Variants in ACVR1C observed in about 807,000 individuals in gnomAD.
ACVR1C encodes the protein activin receptor type-1C.
Under a neutral mutation model 57.9 loss-of-function variants are expected in ACVR1C, and 23 were observed. That is an observed-to-expected ratio of 0.40 (90% CI 0.29 to 0.56). The LOEUF (loss-of-function observed/expected upper bound fraction) is 0.56, where lower values mean the gene tolerates loss of function less well. ACVR1C is among the 20% of genes least tolerant of loss of function. The pLI is 0.50. For synonymous variants in ACVR1C, 214 were observed against 215.3 expected (o/e 0.99, Z 0.05); for missense variants, 480 against 607.9 (o/e 0.79, Z 2.21).
At chr2:157,574,620 TCTAC>T (rs1688600082) in intron 2 of ACVR1C, among the ~76,000 whole-genome samples, 1 of 152,328 alleles carries the variant, frequency 6.6e-6, no homozygotes, top group Non-Finnish European at 1.5e-5. Context: ...AAACATGAAT[TCTAC>T]CTTCTATGGG....
intron 1 of ACVR1C, among the ~76,000 whole-genome samples, chr2:157,610,420 A>G (rs1360723514): frequency 1.3e-5 from 2 of 152,166 alleles, no homozygotes; most frequent in African/African-American, 4.8e-5. Context: ...CTTTAAAAAG[A>G]TAGGAGTTCC....
intron 2 of ACVR1C, among the ~76,000 whole-genome samples, chr2:157,559,138 G>C (rs928988480): frequency 3.9e-5 from 6 of 152,090 alleles, no homozygotes; most frequent in Non-Finnish European, 5.9e-5. Context: ...AAAAGCAAAA[G>C]GTCAGCAACC....
chr2:157,576,835 CTTTTTTTTTT>C lies in ACVR1C; in HGVS notation c.304+10342_304+10351del, dbSNP rs1166673398. Among the ~76,000 whole-genome samples the C allele has an allele frequency of 1.2e-4, 5 of 41,722 alleles. 1 individual carries two copies. Among genetic ancestry groups the C allele is most frequent in the Non-Finnish European group, 2.2e-4 (5 of 22,352 alleles). The allele number at this position is 41,722 out of a possible 152,430, so 27.4% of individuals were successfully genotyped here. Reference sequence around the variant, plus strand: ...AGAGCCTTTTGGGCTTTGAAATTTTCTTTTTTTTTTTTTTTTTTTTTTTTTTTTTTGAGAC... The same window carrying C: ...AGAGCCTTTTGGGCTTTGAAATTTTCTTTTTTTTTTTTTTTTTTTTGAGAC... On this transcript the variant is annotated intron_variant, in intron 2 of 8. Transcript: ENST00000243349.
chr2:157,564,635 A>G (rs1316180678), intron 2 of ACVR1C, among the ~76,000 whole-genome samples: 1 of 152,134 alleles, frequency 6.6e-6, no homozygotes, highest in Non-Finnish European at 1.5e-5. Flanking sequence ...AAACCATTCT[A>G]CTCTAAAGAC....
chr2:157,615,932 A>T (rs1029103685), intron 1 of ACVR1C, among the ~76,000 whole-genome samples: 2 of 152,106 alleles, frequency 1.3e-5, no homozygotes, highest in African/African-American at 4.8e-5. Context: ...AAGATTTTCT[A>T]TTTATCTTTG....
intron 2 of ACVR1C, among the ~76,000 whole-genome samples, chr2:157,561,058 T>G (rs931339487): frequency 3.3e-5 from 5 of 152,088 alleles, no homozygotes; most frequent in African/African-American, 1.2e-4. Flanking sequence ...TGCTGGAAAA[T>G]TGTTTAGAAA....
In ACVR1C at chr2:157,619,731, C is replaced by T. The variant is rs146659006; in HGVS notation, c.73+8841G>A. Among the ~76,000 whole-genome samples the T allele has an allele frequency of 3.8e-3, 577 of 151,648 alleles. 8 individuals are homozygous for T. The highest frequency in any genetic ancestry group is 0.012 in the African/African-American group (515 of 41,382). ...AGCAATAACTTAAACCTAAAGAAAG[C>T]GGATGAAGAAAATAATGAAGAGAAG... On this transcript the variant is annotated intron_variant, in intron 1 of 8. Transcript: ENST00000243349.
chr2:157,564,012 C>T (rs1688302228), intron 2 of ACVR1C, among the ~76,000 whole-genome samples: 1 of 152,098 alleles, frequency 6.6e-6, no homozygotes, highest in African/African-American at 2.4e-5. Flanking sequence ...CCATAAAAAC[C>T]CTAGAGGAAA....
chr2:157,607,511 T>C (rs1350724969), intron 1 of ACVR1C, among the ~76,000 whole-genome samples: 14 of 151,790 alleles, frequency 9.2e-5, no homozygotes, highest in Non-Finnish European at 1.3e-4. Context: ...AAAATGACAT[T>C]AGTATTTTGA....
intron 1 of ACVR1C, among the ~76,000 whole-genome samples, chr2:157,597,938 T>A (rs1381500963): frequency 6.6e-6 from 1 of 152,130 alleles, no homozygotes; most frequent in Non-Finnish European, 1.5e-5. Flanking sequence ...ATTCCACCTA[T>A]CCAAATATTG....
intron 5 of ACVR1C, 51 bp from the exon 6 acceptor site, chr2:157,542,913 C>G (rs1687656252): frequency 1.3e-6 from 2 of 1,549,934 alleles, no homozygotes; most frequent in Non-Finnish European, 1.7e-6. Context: ...GGAGACTGTT[C>G]AAGAGAAATC....
At chr2:157,607,451 G>A (rs1473046573) in intron 1 of ACVR1C, among the ~76,000 whole-genome samples, 1 of 151,342 alleles carries the variant, frequency 6.6e-6, no homozygotes, top group South Asian at 2.1e-4. Context: ...GGTTATCTGG[G>A]CTCTTTTTTG....
rs980309240 is a variant in ACVR1C, at chr2:157,529,182, T to A, written c.*4736A>T. ...AGGTACAAAGAGAAAGAACAGTCCT[T>A]ACAGAAAGGGTGGGGGATGTCAGGA... On this transcript the variant is annotated 3_prime_UTR_variant, in exon 9 of 9. Transcript: ENST00000243349. 4 of 152,088 alleles carry A rather than the reference T, an allele frequency of 2.6e-5. No homozygotes were observed. The highest frequency in any genetic ancestry group is 2.6e-4 in the Admixed American group (4 of 15,244). The allele number at this position is 152,088 out of a possible 1,614,324, so 9.4% of individuals were successfully genotyped here. A position where few individuals can be genotyped will look rare whatever the true frequency, so the allele number is the denominator to read the frequency against.
rs1573904597 is a variant in ACVR1C at position 157,541,145 on chromosome 2, G to A, written c.1170C>T (p.Asp390=). The A allele has an allele frequency of 6.2e-7, 1 of 1,614,002 alleles. No homozygotes were observed. Among genetic ancestry groups the A allele is most frequent in the Non-Finnish European group, 8.5e-7 (1 of 1,179,974 alleles). The change falls in exon 7 of 9, where the codon GAC becomes GAT. Residue 390 remains aspartate, a synonymous_variant. Coordinates refer to ENST00000243349, the MANE Select transcript of ACVR1C (RefSeq NM_145259.3). ...VNIFESFKRA[D]IYSVGLVYWE... ...AGTAAACCAGACCAACAGAATAGATGTCAGCTCGTTTGAAGGACTCAAAGA... is the reference window on the plus strand; with the variant it reads ...AGTAAACCAGACCAACAGAATAGATATCAGCTCGTTTGAAGGACTCAAAGA...
At chr2:157,600,466 A>G (rs761852261) in intron 1 of ACVR1C, among the ~76,000 whole-genome samples, 14 of 152,368 alleles carry the variant, frequency 9.2e-5, no homozygotes, top group Non-Finnish European at 1.9e-4. Context: ...TAATAGTCAT[A>G]TTACACAGTT....
At chr2:157,547,517 G>T (rs1558971713) in intron 4 of ACVR1C, among the ~76,000 whole-genome samples, 1 of 138,298 alleles carries the variant, frequency 7.2e-6, no homozygotes. Context: ...ATTCTAACTG[G>T]TGTGAGATGG....
At chr2:157,587,482 C>G in intron 1 of ACVR1C, 65 bp from the exon 2 acceptor site, 1 of 1,173,278 alleles carries the variant, frequency 8.5e-7, no homozygotes. Context: ...TTTGATAATA[C>G]CTGGGAATAT....
In ACVR1C at chr2:157,533,055, G is replaced by A. The variant is rs1687393667; in HGVS notation, c.*863C>T. The A allele has an allele frequency of 6.6e-6, 1 of 152,146 alleles. No individual in the cohort carries two copies. Among genetic ancestry groups the A allele is most frequent in the South Asian group, 2.1e-4 (1 of 4,834 alleles). The allele number at this position is 152,146 out of a possible 1,614,324, so 9.4% of individuals were successfully genotyped here. A position where few individuals can be genotyped will look rare whatever the true frequency, so the allele number is the denominator to read the frequency against. On this transcript the variant is annotated 3_prime_UTR_variant, in exon 9 of 9. Coordinates refer to ENST00000243349, the MANE Select transcript of ACVR1C (RefSeq NM_145259.3). The stretch of plus-strand genomic sequence containing the variant: ...CTGAGATTTTGTGCGGGTCCATTAT[G>A]ATTCTGCAAAATAACTCAATATGCC...
At chr2:157,596,545 T>C (rs1363474026) in intron 1 of ACVR1C, among the ~76,000 whole-genome samples, 1 of 152,236 alleles carries the variant, frequency 6.6e-6, no homozygotes, top group East Asian at 1.9e-4. Context: ...ACATAAACTG[T>C]GTCTATCAAT....
Sources: gnomAD v4.1 joint callset for allele counts (sites outside exome capture counted in the v4.1 genomes callset) on GRCh38, gnomAD v4.1.1 for gene constraint, MANE v1.5 for transcripts, NCBI Gene and HGNC (gene_info 2026-07-23, HGNC 2026-07-21) for gene names.